The following GSR variants were observed in gnomAD, a reference collection of about 807,000 sequenced individuals.
GSR encodes the protein glutathione-disulfide reductase, also known as glutathione reductase, mitochondrial.
In GSR, 48 loss-of-function variants were observed where a neutral mutation model predicts 56.5. The observed-to-expected ratio is 0.85, with a 90% CI of 0.67 to 1.08. The LOEUF (loss-of-function observed/expected upper bound fraction) is 1.08. GSR is among the 50% of genes least tolerant of loss of function. The probability of loss-of-function intolerance (pLI) is 0.00; values close to 1 mark genes in which losing one functional copy is unlikely to be tolerated. For missense variants in GSR, 694 were observed against 703.3 expected (o/e 0.99, Z 0.15); for synonymous variants, 264 against 270.8 (o/e 0.97, Z 0.25).
chr8:30,705,847 T>A (rs758989893), intron 4 of GSR, among the ~76,000 whole-genome samples: 1 of 151,874 alleles, frequency 6.6e-6, no homozygotes, highest in Admixed American at 6.6e-5. Flanking sequence ...TAAATATTTT[T>A]CCCCCTGGAT....
In GSR at chr8:30,700,255, G is replaced by A. The variant is rs144151892; in HGVS notation, c.641-120C>T. The A allele has an allele frequency of 2.0e-5, 16 of 782,378 alleles. No individual in the cohort carries two copies. The East Asian group carries it at 4.1e-4, about 20-fold the overall frequency. The allele number at this position is 782,378 out of a possible 1,614,324, so 48.5% of individuals were successfully genotyped here. A position where few individuals can be genotyped will look rare whatever the true frequency, so the allele number is the denominator to read the frequency against. ...GCCAACATAGTCTCCGTTTTGACAA[G>A]TTTTGTTAAAGTCTCTGCTTGGAAA... On this transcript the variant is annotated intron_variant, in intron 5 of 12. Transcript: ENST00000221130.
At chr8:30,689,344 AC>A in intron 8 of GSR, 25 bp from the exon 9 acceptor site, 1 of 1,606,132 alleles carries the variant, frequency 6.2e-7, no homozygotes, top group Non-Finnish European at 8.5e-7. Context: ...AATGTGTTAC[AC>A]ATGTGTGGAG....
intron 7 of GSR, among the ~76,000 whole-genome samples, chr8:30,694,852 T>C (rs936407174): frequency 6.9e-6 from 1 of 145,250 alleles, no homozygotes; most frequent in African/African-American, 2.6e-5. Context: ...TGAGCCATGA[T>C]GTGCCACCGC....
intron 9 of GSR, among the ~76,000 whole-genome samples, chr8:30,685,679 T>C (rs942495207): frequency 6.6e-6 from 1 of 151,938 alleles, no homozygotes; most frequent in Non-Finnish European, 1.5e-5. Context: ...GCCACAGAGC[T>C]TAAGAGTACA....
Position 30,703,253 on chromosome 8 carries a change from C to G in GSR, c.493-13G>C. 6.2e-7 allele frequency: 1 copy of G among 1,612,294 alleles called. No homozygotes were observed. Among genetic ancestry groups the G allele is most frequent in the Non-Finnish European group, 8.5e-7 (1 of 1,178,328 alleles). ...TTTCTATATGGGACTAAAGAAGGAA[C>G]CATGACATTAGCCTGTTCTTAGAAT... is the stretch of plus-strand genomic sequence containing the variant. On this transcript the variant is annotated splice_polypyrimidine_tract_variant and intron_variant, in intron 4 of 12. Transcript: ENST00000221130.
intron 1 of GSR, among the ~76,000 whole-genome samples, chr8:30,723,384 C>T (rs181783521): frequency 6.6e-6 from 1 of 152,122 alleles, no homozygotes; most frequent in East Asian, 1.9e-4. Context: ...ACCAGCTAGT[C>T]GGGAGGTTGA....
At chr8:30,685,984 T>TAA (rs1354936663) in intron 9 of GSR, among the ~76,000 whole-genome samples, 2 of 19,578 alleles carry the variant, frequency 1.0e-4, no homozygotes, top group African/African-American at 5.1e-4. Flanking sequence ...AGACTCTGCC[T>TAA]CAAAAAAAAA....
At chr8:30,688,689 C>T (rs971515899) in intron 9 of GSR, among the ~76,000 whole-genome samples, 7 of 150,638 alleles carry the variant, frequency 4.6e-5, no homozygotes, top group East Asian at 2.0e-4. Flanking sequence ...CTCTGGGAGG[C>T]TGAGATGGGC....
intron 2 of GSR, among the ~76,000 whole-genome samples, chr8:30,710,267 G>A (rs1804083103): frequency 6.6e-6 from 1 of 152,004 alleles, no homozygotes; most frequent in Non-Finnish European, 1.5e-5. Flanking sequence ...AGTGAGCCAA[G>A]ATCACACTGC....
chr8:30,700,529 G>T (rs1803693878), intron 5 of GSR, among the ~76,000 whole-genome samples: 2 of 151,790 alleles, frequency 1.3e-5, no homozygotes, highest in African/African-American at 2.4e-5. Context: ...AATCTATGTG[G>T]CCTGGCCAAC....
chr8:30,696,423 G>A lies in GSR; in HGVS notation c.752C>T (p.Ser251Leu), dbSNP rs753883260. Reference sequence around the variant, plus strand: ...CAGTGATGTCTTAGAACCCAGGGCTGACAGGATCCCTGCCATCTCCACAGC... The same window carrying A: ...CAGTGATGTCTTAGAACCCAGGGCTAACAGGATCCCTGCCATCTCCACAGC... The part of the protein sequence containing the change: ...YIAVEMAGIL[S>L]ALGSKTSLMI... Residue 251 changes from serine (S) to leucine (L), a missense_variant, in exon 7 of 13, where the codon TCA (serine) becomes TTA (leucine). Ser to Leu is a moderately radical substitution (Grantham distance 145, BLOSUM62 -2). Coordinates refer to ENST00000221130, the MANE Select transcript of GSR (RefSeq NM_000637.5). The A allele has an allele frequency of 6.2e-7, 1 of 1,613,366 alleles. No homozygotes were observed. Among genetic ancestry groups the A allele is most frequent in the Non-Finnish European group, 8.5e-7 (1 of 1,179,278 alleles).
At chr8:30,688,779 G>A (rs556254100) in intron 9 of GSR, among the ~76,000 whole-genome samples, 4 of 151,514 alleles carry the variant, frequency 2.6e-5, no homozygotes, top group Non-Finnish European at 5.9e-5. Flanking sequence ...AAAAAAATTA[G>A]CTGGGCATTG....
intron 10 of GSR, among the ~76,000 whole-genome samples, chr8:30,683,770 G>C (rs1803035691): frequency 7.8e-6 from 1 of 128,636 alleles, no homozygotes; most frequent in Non-Finnish European, 1.7e-5. Flanking sequence ...AAAAAAAAAT[G>C]CCAATCTAAA....
chr8:30,711,911 C>T, intron 2 of GSR, 151 bp downstream of exon 2: 2 of 418,864 alleles, frequency 4.8e-6, no homozygotes, highest in Non-Finnish European at 8.8e-6. Flanking sequence ...CAAACAAAAA[C>T]AATCCTATTG....
chr8:30,710,600 G>A (rs960061387), intron 2 of GSR, among the ~76,000 whole-genome samples: 1 of 149,598 alleles, frequency 6.7e-6, no homozygotes, highest in Non-Finnish European at 1.5e-5. Context: ...CACGCCTGTA[G>A]TCCCAGCTAC....
chr8:30,681,998 A>T lies in GSR; in HGVS notation c.1217T>A (p.Leu406Ter). The T allele has an allele frequency of 6.2e-7, 1 of 1,613,100 alleles. No homozygotes were observed. The highest frequency in any genetic ancestry group is 8.5e-7 in the Non-Finnish European group (1 of 1,179,044). The change falls in exon 11 of 13, where the codon TTA (leucine) becomes TAA (stop). Residue 406 changes from leucine (L) to a stop codon, truncating the protein, a stop_gained. Transcript: ENST00000221130. LOFTEE classifies it high-confidence loss of function. ...RLFEYKEDSK[L>*]DYNNIPTVVF... The stretch of plus-strand genomic sequence containing the variant: ...CACAGTTGGGATGTTGTTATAATCT[A>T]ATTTGGAATCTTCCTTATATTCAAA...
intron 2 of GSR, among the ~76,000 whole-genome samples, chr8:30,710,626 A>G (rs1369157260): frequency 6.8e-6 from 1 of 146,000 alleles, no homozygotes; most frequent in African/African-American, 2.5e-5. Flanking sequence ...CTGAGGCAGG[A>G]GAATCACTTG....
In GSR at chr8:30,700,118, T is replaced by A. The variant is rs778572587; in HGVS notation, c.658A>T (p.Thr220Ser). The change falls in exon 6 of 13, where the codon ACC becomes TCC. Residue 220 changes from threonine (T) to serine (S), a missense_variant. Coordinates refer to ENST00000221130, the MANE Select transcript of GSR (RefSeq NM_000637.5). ...TCCAGCTGAAAAAATCCATCGCTGG[T>A]TATTCCTAAGCTGGCACCTATGTAG... ...SQIPGASLGITSDGFFQLEEL... is the reference protein window; with the variant it reads ...SQIPGASLGISSDGFFQLEEL... 4 of 1,613,182 alleles carry A rather than the reference T, an allele frequency of 2.5e-6. No homozygotes were observed. The highest frequency in any genetic ancestry group is 3.4e-6 in the Non-Finnish European group (4 of 1,179,162).
At chr8:30,702,811 G>A (rs931959725) in intron 5 of GSR, among the ~76,000 whole-genome samples, 2 of 152,112 alleles carry the variant, frequency 1.3e-5, no homozygotes, top group Admixed American at 1.3e-4. Context: ...GTGGTGGCAT[G>A]CCTGTAGTCC....
Sources: allele counts gnomAD v4.1 joint callset (sites outside exome capture counted in the v4.1 genomes callset), GRCh38; gene constraint gnomAD v4.1.1; transcripts MANE v1.5; gene names NCBI Gene and HGNC (gene_info 2026-07-23, HGNC 2026-07-21).